The following MPZL1 variants were observed in gnomAD, a reference collection of about 807,000 sequenced individuals.
The protein encoded by MPZL1 is myelin protein zero-like protein 1.
In MPZL1, 16 loss-of-function variants were observed where a neutral mutation model predicts 29.3. The ratio of observed to expected loss-of-function variants is 0.55; its 90% CI spans 0.37 to 0.83. The LOEUF (loss-of-function observed/expected upper bound fraction) is 0.83, where lower values mean the gene tolerates loss of function less well. Among genes scored for constraint, MPZL1 ranks in the 40% least tolerant of loss-of-function variants. MPZL1 has a pLI of 0.00. For missense variants in MPZL1, 279 were observed against 332.9 expected (o/e 0.84, Z 1.26); for synonymous variants, 143 against 132.0 (o/e 1.08, Z -0.57).
chr1:167,727,250 C>T (rs2101744578), intron 1 of MPZL1, among the ~76,000 whole-genome samples: 1 of 152,256 alleles, frequency 6.6e-6, no homozygotes, highest in East Asian at 1.9e-4. Context: ...TATTTCTCAC[C>T]ATCCACTTTG....
intron 1 of MPZL1, among the ~76,000 whole-genome samples, chr1:167,723,771 T>C (rs1660086898): frequency 6.6e-6 from 1 of 152,236 alleles, no homozygotes. Context: ...AATGTTGATA[T>C]GTAAAAATCA....
intron 5 of MPZL1, among the ~76,000 whole-genome samples, chr1:167,780,878 T>TTA: frequency 6.6e-6 from 1 of 152,286 alleles, no homozygotes; most frequent in East Asian, 1.9e-4. Flanking sequence ...AATTTTTATG[T>TTA]TATATATATT....
chr1:167,732,251 G>A (rs1055085476), intron 1 of MPZL1, among the ~76,000 whole-genome samples: 10 of 152,086 alleles, frequency 6.6e-5, no homozygotes, highest in African/African-American at 2.4e-4. Context: ...TTCTACTCTT[G>A]TAAGTACTAA....
rs531207025 is a variant in MPZL1, at chr1:167,791,683, A to G, written c.*3762A>G. 5 of 152,366 alleles carry G rather than the reference A, an allele frequency of 3.3e-5. No homozygotes were observed. In the East Asian group the frequency reaches 9.6e-4, roughly 29 times the overall value. The allele number at this position is 152,366 out of a possible 1,614,324, so 9.4% of individuals were successfully genotyped here. A position where few individuals can be genotyped will look rare whatever the true frequency, so the allele number is the denominator to read the frequency against. On this transcript the variant is annotated 3_prime_UTR_variant, in exon 6 of 6. Transcript: ENST00000359523. ...CCTGTGGCCTCTCACACCAAAAGGA[A>G]GTACCAAACTGCTTCCTTACTCAAA...
chr1:167,752,819 G>A (rs1660785557), intron 1 of MPZL1, among the ~76,000 whole-genome samples: 1 of 152,172 alleles, frequency 6.6e-6, no homozygotes, highest in African/African-American at 2.4e-5. Context: ...AAAAAATAGT[G>A]CTTATATGTT....
intron 1 of MPZL1, among the ~76,000 whole-genome samples, chr1:167,749,989 G>T (rs1660722769): frequency 6.6e-6 from 1 of 152,142 alleles, no homozygotes. Flanking sequence ...TACCTGAGTG[G>T]CCCCAGAGGG....
rs756244020 is a variant in MPZL1, at chr1:167,776,046, A to C, written c.606-18A>C. The C allele has an allele frequency of 2.0e-6, 3 of 1,523,232 alleles. No homozygotes were observed. Among genetic ancestry groups the C allele is most frequent in the Non-Finnish European group, 1.8e-6 (2 of 1,125,812 alleles). 94.4% of individuals were successfully genotyped at this position (1,523,232 alleles called of 1,614,324 possible). The stretch of plus-strand genomic sequence containing the variant: ...TTATTATTTTTTACATTTGTTCTTC[A>C]AATTGCCAATTCATCAGCTGCAGTA... On this transcript the variant is annotated intron_variant, in intron 4 of 5. Coordinates refer to ENST00000359523, the MANE Select transcript of MPZL1 (RefSeq NM_003953.6).
chr1:167,774,317 A>G (rs1183223060), intron 4 of MPZL1, among the ~76,000 whole-genome samples: 2 of 152,192 alleles, frequency 1.3e-5, no homozygotes, highest in East Asian at 3.8e-4. Flanking sequence ...AGATGCACAG[A>G]TCTAACTTTA....
chr1:167,737,055 C>T, intron 1 of MPZL1, among the ~76,000 whole-genome samples: 1 of 152,190 alleles, frequency 6.6e-6, no homozygotes, highest in Non-Finnish European at 1.5e-5. Context: ...TTAGCTTTCT[C>T]ATCTCAGATG....
chr1:167,739,364 C>G (rs1203321550), intron 1 of MPZL1, among the ~76,000 whole-genome samples: 7 of 145,992 alleles, frequency 4.8e-5, no homozygotes, highest in Non-Finnish European at 1.0e-4. Context: ...CAGTATGAAT[C>G]TCTGCCAAGG....
intron 1 of MPZL1, among the ~76,000 whole-genome samples, chr1:167,751,144 T>C (rs1310810311): frequency 3.3e-5 from 5 of 152,236 alleles, no homozygotes; most frequent in Non-Finnish European, 5.9e-5. Flanking sequence ...ACTATTTTTT[T>C]CCCCTTTGTA....
chr1:167,781,564 ATAGC>A (rs1661497107), intron 5 of MPZL1, among the ~76,000 whole-genome samples: 1 of 152,198 alleles, frequency 6.6e-6, no homozygotes, highest in African/African-American at 2.4e-5. Flanking sequence ...TTTGTGAGAT[ATAGC>A]TAAAGAAGTG....
chr1:167,736,326 A>C (rs1259825206), intron 1 of MPZL1, among the ~76,000 whole-genome samples: 4 of 152,110 alleles, frequency 2.6e-5, no homozygotes, highest in African/African-American at 9.7e-5. Context: ...ATAGGCATTC[A>C]ATACGTATTT....
chr1:167,739,709 A>T (rs1290952047), intron 1 of MPZL1, among the ~76,000 whole-genome samples: 1 of 151,930 alleles, frequency 6.6e-6, no homozygotes, highest in Admixed American at 6.6e-5. Flanking sequence ...TTTCTGCCTC[A>T]CTCTCAAAAG....
chr1:167,730,526 G>A (rs1660240686), intron 1 of MPZL1, among the ~76,000 whole-genome samples: 1 of 152,122 alleles, frequency 6.6e-6, no homozygotes, highest in Non-Finnish European at 1.5e-5. Context: ...TGATCCGCCT[G>A]CCACAGCCTC....
intron 1 of MPZL1, among the ~76,000 whole-genome samples, chr1:167,763,193 C>T (rs949154605): frequency 1.2e-4 from 18 of 152,190 alleles, no homozygotes; most frequent in African/African-American, 3.9e-4. Flanking sequence ...TGCAGCTAGG[C>T]CTCGAGGAAG....
chr1:167,748,590 G>T (rs181302091), intron 1 of MPZL1, among the ~76,000 whole-genome samples: 93 of 151,896 alleles, frequency 6.1e-4, no homozygotes, highest in Middle Eastern at 3.4e-3. Context: ...TTGCTTTCTT[G>T]GTAGTTTAAA....
chr1:167,760,783 G>GTGTGTC lies in MPZL1; in HGVS notation c.92-4795_92-4794insCTGTGT, dbSNP rs1553255559. 8.2e-3 allele frequency among the ~76,000 whole-genome samples: 1,208 copies of GTGTGTC among 147,304 alleles called. 19 individuals carry two copies. Among genetic ancestry groups the GTGTGTC allele is most frequent in the African/African-American group, 0.016 (649 of 39,784 alleles). Reference sequence around the variant, plus strand: ...TGTGTGTGTGTGTGTGTGTGTGTGTGTGTGTGTGTGTACAGGTGTCATCAG... The same window carrying GTGTGTC: ...TGTGTGTGTGTGTGTGTGTGTGTGTGTGTGTCTGTGTGTGTGTACAGGTGTCATCAG... On this transcript the variant is annotated intron_variant, in intron 1 of 5. Transcript: ENST00000359523.
chr1:167,759,187 A>T (rs918434799), intron 1 of MPZL1, among the ~76,000 whole-genome samples: 6 of 152,184 alleles, frequency 3.9e-5, no homozygotes, highest in Non-Finnish European at 7.3e-5. Context: ...TTAATATCTT[A>T]TTCAGATTGA....
Sources: allele counts gnomAD v4.1 joint callset (sites outside exome capture counted in the v4.1 genomes callset), GRCh38; gene constraint gnomAD v4.1.1; transcripts MANE v1.5; gene names NCBI Gene and HGNC (gene_info 2026-07-23, HGNC 2026-07-21).